The following PPP1R9A variants were observed in gnomAD, a reference collection of about 807,000 sequenced individuals.
The protein encoded by PPP1R9A is protein phosphatase 1 regulatory subunit 9A.
A neutral mutation model predicts 141.9 loss-of-function variants in PPP1R9A; 59 were observed. That is an observed-to-expected ratio of 0.42 (90% CI 0.34 to 0.52). PPP1R9A has a LOEUF of 0.52. PPP1R9A is among the 20% of genes least tolerant of loss of function. PPP1R9A has a pLI of 0.10. For synonymous variants in PPP1R9A, 500 were observed against 569.7 expected, an observed-to-expected ratio of 0.88 and a Z score of 1.74; for missense variants, 1,444 against 1,611.9, an observed-to-expected ratio of 0.90 and a Z score of 1.78.
chr7:95,128,990 T>G (rs1012767938), intron 4 of PPP1R9A, among the ~76,000 whole-genome samples: 58 of 152,222 alleles, frequency 3.8e-4, no homozygotes, highest in Admixed American at 1.2e-3. Flanking sequence ...AGGTCTTACG[T>G]TTAAATCTTT....
chr7:95,164,042 G>T (rs1469086185), intron 5 of PPP1R9A, among the ~76,000 whole-genome samples: 1 of 152,096 alleles, frequency 6.6e-6, no homozygotes, highest in African/African-American at 2.4e-5. Context: ...CTGGCCCCAT[G>T]TGCAGGTTTT....
rs1304243845 is a variant in PPP1R9A, at chr7:95,292,542, A to G, written c.*2239A>G. 2 of 152,490 alleles carry G rather than the reference A, an allele frequency of 1.3e-5. No homozygotes were observed. The highest frequency in any genetic ancestry group is 2.9e-5 in the Non-Finnish European group (2 of 68,014). 9.4% of individuals were successfully genotyped at this position (152,490 alleles called of 1,614,324 possible). The stretch of plus-strand genomic sequence containing the variant: ...TTGCACCTAATTTATGATCTATTAT[A>G]TTGCATTTTCTTAAATATCTTAGAA... On this transcript the variant is annotated 3_prime_UTR_variant, in exon 20 of 20. Transcript: ENST00000433360.
chr7:94,953,753 C>G (rs766155197), intron 2 of PPP1R9A, among the ~76,000 whole-genome samples: 2 of 152,018 alleles, frequency 1.3e-5, no homozygotes, highest in South Asian at 4.1e-4. Flanking sequence ...TGATTTGGCT[C>G]TCTGTTTGTC....
At chr7:95,259,275 G>A (rs981256814) in intron 12 of PPP1R9A, among the ~76,000 whole-genome samples, 4 of 151,442 alleles carry the variant, frequency 2.6e-5, no homozygotes, top group African/African-American at 7.3e-5. Flanking sequence ...CTTGATGGAG[G>A]TACATGGTTG....
At chr7:95,188,446 TGTATC>T (rs1360962584) in intron 5 of PPP1R9A, among the ~76,000 whole-genome samples, 1 of 152,208 alleles carries the variant, frequency 6.6e-6, no homozygotes, top group Non-Finnish European at 1.5e-5. Flanking sequence ...TCTACCATTC[TGTATC>T]TTTTAAGTGG....
At chr7:95,073,863 T>C (rs573762180) in intron 2 of PPP1R9A, among the ~76,000 whole-genome samples, 1 of 152,116 alleles carries the variant, frequency 6.6e-6, no homozygotes, top group South Asian at 2.1e-4. Flanking sequence ...ATTATAGTCA[T>C]AAGCCATGGA....
At position 94,956,332 on chromosome 7, in the gene PPP1R9A, G is replaced by C. The variant is rs561184992; in HGVS notation, c.1395+44824G>C. On this transcript the variant is annotated intron_variant, in intron 2 of 19. Transcript: ENST00000433360. Reference sequence around the variant, plus strand: ...AGTTTATTTCTAAACAAAAACCTGCGTGCCATAGAAGTAGAATTTTAGATC... The same window carrying C: ...AGTTTATTTCTAAACAAAAACCTGCCTGCCATAGAAGTAGAATTTTAGATC... Among the ~76,000 whole-genome samples, 235 of 152,162 alleles carry C rather than the reference G, an allele frequency of 1.5e-3. 2 individuals carry two copies. Among genetic ancestry groups the C allele is most frequent in the African/African-American group, 5.1e-3 (210 of 41,536 alleles).
intron 5 of PPP1R9A, among the ~76,000 whole-genome samples, chr7:95,166,240 A>G (rs1029816800): frequency 2.0e-5 from 3 of 152,116 alleles, no homozygotes; most frequent in African/African-American, 7.2e-5. Flanking sequence ...CTCTAGTAAT[A>G]TGGAAAGTAG....
chr7:95,177,382 A>C (rs1833054676), intron 5 of PPP1R9A, among the ~76,000 whole-genome samples: 1 of 152,162 alleles, frequency 6.6e-6, no homozygotes. Flanking sequence ...TAAATCTTGA[A>C]ACAAATCATG....
At chr7:95,103,524 C>T (rs544425663) in intron 2 of PPP1R9A, among the ~76,000 whole-genome samples, 36 of 151,852 alleles carry the variant, frequency 2.4e-4, no homozygotes, top group African/African-American at 8.2e-4. Context: ...CCTGCCATCA[C>T]GCCCAGCTAA....
At chr7:94,981,680 A>G (rs1483415132) in intron 2 of PPP1R9A, among the ~76,000 whole-genome samples, 1 of 152,142 alleles carries the variant, frequency 6.6e-6, no homozygotes, top group Non-Finnish European at 1.5e-5. Context: ...TTATACATAC[A>G]TATGTACATA....
intron 4 of PPP1R9A, chr7:95,156,547 G>A (rs1180966947): frequency 6.6e-6 from 1 of 152,484 alleles, no homozygotes; most frequent in Admixed American, 6.5e-5. Context: ...AGTGGAGGAT[G>A]AGCGAGATGA....
chr7:95,069,267 A>G (rs1489819309), intron 2 of PPP1R9A, among the ~76,000 whole-genome samples: 1 of 152,150 alleles, frequency 6.6e-6, no homozygotes, highest in African/African-American at 2.4e-5. Context: ...AGAATCAGAA[A>G]TGTGGAGGGG....
chr7:94,954,698 G>T (rs1382124731), intron 2 of PPP1R9A, among the ~76,000 whole-genome samples: 4 of 145,760 alleles, frequency 2.7e-5, no homozygotes, highest in African/African-American at 1.0e-4. Flanking sequence ...ATTTCTGTTG[G>T]TTTTTTTTTT....
At chr7:95,139,845 G>T (rs1826329493) in intron 4 of PPP1R9A, among the ~76,000 whole-genome samples, 1 of 148,588 alleles carries the variant, frequency 6.7e-6, no homozygotes, top group Non-Finnish European at 1.5e-5. Context: ...AAACCCTGAA[G>T]CTTTGACTCC....
At chr7:94,962,903 GA>G (rs961027974) in intron 2 of PPP1R9A, among the ~76,000 whole-genome samples, 15 of 152,050 alleles carry the variant, frequency 9.9e-5, no homozygotes, top group African/African-American at 3.4e-4. Flanking sequence ...ACTTGCCACA[GA>G]ATAACAGGAT....
chr7:95,055,940 A>G (rs1408062372), intron 2 of PPP1R9A, among the ~76,000 whole-genome samples: 2 of 152,148 alleles, frequency 1.3e-5, no homozygotes, highest in Non-Finnish European at 2.9e-5. Flanking sequence ...AAGCATTGCT[A>G]ATCAATACAG....
intron 8 of PPP1R9A, among the ~76,000 whole-genome samples, chr7:95,234,420 G>A (rs926229602): frequency 4.6e-5 from 7 of 152,088 alleles, no homozygotes; most frequent in Admixed American, 2.0e-4. Context: ...ACTCAACGCC[G>A]TTCACAATAG....
Position 94,964,043 on chromosome 7 carries a change from A to G in PPP1R9A, c.1395+52535A>G, listed in dbSNP as rs375020397. Among the ~76,000 whole-genome samples, 13 of 152,256 alleles carry G rather than the reference A, an allele frequency of 8.5e-5. No individual in the cohort carries two copies. In the South Asian group the frequency reaches 1.9e-3, roughly 22 times the overall value. On this transcript the variant is annotated intron_variant, in intron 2 of 19. Transcript: ENST00000433360. ...CTTGGGGACACTGACTAAATTGTTT[A>G]TTGTGCGCCTGTGTTCTGAATGCAA...
Sources: gnomAD v4.1 joint callset for allele counts (sites outside exome capture counted in the v4.1 genomes callset) on GRCh38, gnomAD v4.1.1 for gene constraint, MANE v1.5 for transcripts, NCBI Gene and HGNC (gene_info 2026-07-23, HGNC 2026-07-21) for gene names.